The following ADAMTS3 variants were observed in gnomAD, a reference collection of about 807,000 sequenced individuals.
ADAMTS3 encodes ADAM metallopeptidase with thrombospondin type 1 motif 3.
In ADAMTS3, 73 loss-of-function variants were observed where a neutral mutation model predicts 129.0. The ratio of observed to expected loss-of-function variants is 0.57; its 90% CI spans 0.47 to 0.69. ADAMTS3 has a LOEUF of 0.69. Ranked by LOEUF, ADAMTS3 falls within the 30% of genes least tolerant of loss-of-function variation. ADAMTS3 has a pLI of 0.00. For missense variants in ADAMTS3, 1,457 were observed against 1,514.5 expected, an observed-to-expected ratio of 0.96 and a Z score of 0.63; for synonymous variants, 477 against 510.8, an observed-to-expected ratio of 0.93 and a Z score of 0.89.
intron 3 of ADAMTS3, among the ~76,000 whole-genome samples, chr4:72,478,490 C>A (rs1336129274): frequency 6.7e-6 from 1 of 149,612 alleles, no homozygotes; most frequent in Middle Eastern, 3.4e-3. Flanking sequence ...CAAAATTCAA[C>A]AACCCTTCAT....
chr4:72,540,193 G>A (rs1721284779), intron 3 of ADAMTS3, among the ~76,000 whole-genome samples: 1 of 152,268 alleles, frequency 6.6e-6, no homozygotes, highest in South Asian at 2.1e-4. Context: ...CTCAGATGGA[G>A]ATGAGGAACT....
At position 72,310,145 on chromosome 4, in the gene ADAMTS3, T is replaced by G. The variant is rs573826375; in HGVS notation, c.2056-625A>C. ...GGAAAGAACAGTGAAAAATCTGCAT[T>G]GAATAGACTGCAGAAGACTTGAATA... On this transcript the variant is annotated intron_variant, in intron 14 of 21. Transcript: ENST00000286657. Among the ~76,000 whole-genome samples the G allele has an allele frequency of 3.9e-5, 6 of 152,162 alleles. No homozygotes were observed. In the South Asian group the frequency reaches 1.0e-3, roughly 26 times the overall value.
intron 3 of ADAMTS3, among the ~76,000 whole-genome samples, chr4:72,488,466 C>T (rs1458946831): frequency 2.6e-5 from 4 of 151,886 alleles, no homozygotes; most frequent in South Asian, 4.1e-4. Flanking sequence ...ATTTGTCATG[C>T]TATCAGTTTT....
At chr4:72,405,175 A>G (rs1490139469) in intron 4 of ADAMTS3, among the ~76,000 whole-genome samples, 2 of 152,108 alleles carry the variant, frequency 1.3e-5, no homozygotes, top group Non-Finnish European at 2.9e-5. Context: ...TATGATCCAG[A>G]TATCTCACTT....
chr4:72,332,816 A>G (rs1031755940), intron 5 of ADAMTS3, among the ~76,000 whole-genome samples: 24 of 152,334 alleles, frequency 1.6e-4, no homozygotes, highest in African/African-American at 5.8e-4. Context: ...GTTTGATTCA[A>G]TCAGGTAACT....
In ADAMTS3 at chr4:72,291,041, T is replaced by A; in HGVS notation, c.2745A>T (p.Glu915Asp). ...THPLWVAEEW[E>D]HCTKTCGSSG... is the part of the protein sequence containing the mutation. ...AACTTCCACAGGTTTTGGTGCAGTG[T>A]TCCCATTCTTCTGCTACCCAGCTGT... Residue 915 changes from glutamate to aspartate, a missense_variant, in exon 20 of 22, where the codon GAA becomes GAT. Coordinates refer to ENST00000286657, the MANE Select transcript of ADAMTS3 (RefSeq NM_014243.3). 1 of 1,613,964 alleles carries A rather than the reference T, an allele frequency of 6.2e-7. No homozygotes were observed. The highest frequency in any genetic ancestry group is 8.5e-7 in the Non-Finnish European group (1 of 1,179,910).
At chr4:72,288,059 T>C (rs1406533437) in intron 21 of ADAMTS3, among the ~76,000 whole-genome samples, 1 of 152,002 alleles carries the variant, frequency 6.6e-6, no homozygotes, top group Non-Finnish European at 1.5e-5. Context: ...AGAGACAGGG[T>C]TTTACCATGT....
At chr4:72,370,535 C>T (rs144417946) in intron 4 of ADAMTS3, among the ~76,000 whole-genome samples, 108 of 152,122 alleles carry the variant, frequency 7.1e-4, no homozygotes, top group Non-Finnish European at 1.3e-3. Context: ...ACGCATTTCC[C>T]GTACAGAACA....
intron 3 of ADAMTS3, among the ~76,000 whole-genome samples, chr4:72,430,271 C>G (rs886203117): frequency 2.0e-5 from 3 of 152,014 alleles, no homozygotes. Context: ...AGTGTCACTG[C>G]AGGACTTCTG....
intron 3 of ADAMTS3, among the ~76,000 whole-genome samples, chr4:72,481,951 A>G (rs1719447759): frequency 6.6e-6 from 1 of 152,136 alleles, no homozygotes; most frequent in Non-Finnish European, 1.5e-5. Flanking sequence ...TTAAAAGAAC[A>G]GTGAGCTATG....
intron 2 of ADAMTS3, among the ~76,000 whole-genome samples, chr4:72,563,227 C>G (rs1408615885): frequency 6.6e-6 from 1 of 152,090 alleles, no homozygotes; most frequent in African/African-American, 2.4e-5. Flanking sequence ...AAATTTTCAC[C>G]TAAGAATCTT....
rs1011304782 is a variant in ADAMTS3, at chr4:72,291,066, T to G, written c.2724-4A>C. ...TTCCCATTCTTCTGCTACCCAGCTG[T>G]GGGTGCGGGGATTTAATATTGCAAT... On this transcript the variant is annotated splice_region_variant and splice_polypyrimidine_tract_variant and intron_variant, in intron 19 of 21. Transcript: ENST00000286657. 2.0e-5 allele frequency: 33 copies of G among 1,613,646 alleles called. No homozygotes were observed. In the Admixed American group the frequency reaches 5.5e-4, roughly 27 times the overall value.
intron 3 of ADAMTS3, among the ~76,000 whole-genome samples, chr4:72,429,649 T>C (rs568550547): frequency 1.3e-5 from 2 of 152,192 alleles, no homozygotes; most frequent in East Asian, 1.9e-4. Context: ...TTTGAGGATA[T>C]GTATTAAAGA....
intron 2 of ADAMTS3, among the ~76,000 whole-genome samples, chr4:72,554,522 T>C (rs1560565803): frequency 6.6e-6 from 1 of 152,212 alleles, no homozygotes; most frequent in Non-Finnish European, 1.5e-5. Context: ...GTTCACCTAT[T>C]TGGCTTGCCC....
chr4:72,480,245 C>G (rs1249390929), intron 3 of ADAMTS3, among the ~76,000 whole-genome samples: 1 of 152,066 alleles, frequency 6.6e-6, no homozygotes, highest in Non-Finnish European at 1.5e-5. Flanking sequence ...CACATGCACA[C>G]GTATGTTTAT....
At chr4:72,411,988 CAAAT>C (rs1362541559) in intron 4 of ADAMTS3, among the ~76,000 whole-genome samples, 1 of 152,072 alleles carries the variant, frequency 6.6e-6, no homozygotes, top group Non-Finnish European at 1.5e-5. Context: ...CTACAGAACT[CAAAT>C]GAATGGCAGT....
intron 3 of ADAMTS3, among the ~76,000 whole-genome samples, chr4:72,490,863 T>C (rs2110014572): frequency 6.6e-6 from 1 of 152,008 alleles, no homozygotes; most frequent in Middle Eastern, 3.4e-3. Flanking sequence ...TCTATATCTG[T>C]AACTACTTCC....
At chr4:72,304,326 T>G (rs562059222) in intron 16 of ADAMTS3, among the ~76,000 whole-genome samples, 1 of 152,260 alleles carries the variant, frequency 6.6e-6, no homozygotes, top group East Asian at 1.9e-4. Flanking sequence ...AAATAATGTT[T>G]GCAAATATTC....
At chr4:72,509,551 C>T (rs534517084) in intron 3 of ADAMTS3, among the ~76,000 whole-genome samples, 1 of 152,036 alleles carries the variant, frequency 6.6e-6, no homozygotes, top group East Asian at 1.9e-4. Flanking sequence ...ATACAACCTA[C>T]CAAGATTGAA....
Sources: allele counts gnomAD v4.1 joint callset (sites outside exome capture counted in the v4.1 genomes callset), GRCh38; gene constraint gnomAD v4.1.1; transcripts MANE v1.5; gene names NCBI Gene and HGNC (gene_info 2026-07-23, HGNC 2026-07-21).